Variants in GRIK2 observed in about 807,000 individuals in gnomAD.
GRIK2 encodes glutamate ionotropic receptor kainate type subunit 2.
GRIK2 carries 32 observed loss-of-function variants against 100.3 expected under a neutral mutation model. The observed-to-expected ratio is 0.32, with a 90% CI of 0.24 to 0.43. GRIK2 has a LOEUF of 0.43. Among genes scored for constraint, GRIK2 ranks in the 20% least tolerant of loss-of-function variants. The probability of loss-of-function intolerance (pLI) is 1.00; values close to 1 mark genes in which losing one functional copy is unlikely to be tolerated. For synonymous variants in GRIK2, 417 were observed against 389.4 expected, an observed-to-expected ratio of 1.07 and a Z score of -0.83; for missense variants, 843 against 1,114.9, an observed-to-expected ratio of 0.76 and a Z score of 3.47.
chr6:101,852,875 C>T (rs1324404827), intron 10 of GRIK2, among the ~76,000 whole-genome samples: 2 of 152,084 alleles, frequency 1.3e-5, no homozygotes, highest in Non-Finnish European at 2.9e-5. Context: ...AGTAGTGAGG[C>T]AAAAGGGTAT....
At chr6:101,748,199 G>A (rs887824062) in intron 7 of GRIK2, among the ~76,000 whole-genome samples, 3 of 152,132 alleles carry the variant, frequency 2.0e-5, no homozygotes, top group African/African-American at 7.2e-5. Context: ...GTCAGAATAA[G>A]CTATTTCTTA....
intron 6 of GRIK2, among the ~76,000 whole-genome samples, chr6:101,684,224 T>A (rs1311357105): frequency 6.6e-6 from 1 of 152,188 alleles, no homozygotes; most frequent in Non-Finnish European, 1.5e-5. Context: ...ATCAGCAAAT[T>A]ATATTTCAGT....
Position 101,889,667 on chromosome 6 carries a change from G to T in GRIK2, c.1552G>T (p.Ala518Ser), listed in dbSNP as rs768473830. The change falls in exon 12 of 17, where the codon GCT (alanine) becomes TCT (serine). Residue 518 changes from alanine (A) to serine (S), a missense_variant. Physicochemically the swap from Ala to Ser is moderately conservative, Grantham distance 99 (BLOSUM62 1). This residue lies in a region of GRIK2 where 519 missense variants were observed against 643.8 expected (regional missense o/e 0.81). Transcript: ENST00000369134. ...HKADLAVAPL[A>S]ITYVREKVID... The stretch of plus-strand genomic sequence containing the variant: ...AGCTGACCTTGCAGTTGCTCCACTG[G>T]CTATTACCTATGTTCGAGAGAAGGT... The T allele has an allele frequency of 1.2e-6, 2 of 1,604,328 alleles. No individual in the cohort carries two copies. The highest frequency in any genetic ancestry group is 2.2e-5 in the South Asian group (2 of 90,766).
chr6:101,637,701 C>T (rs73508673), intron 4 of GRIK2, among the ~76,000 whole-genome samples: 27,639 of 152,036 alleles, frequency 0.18, 2,765 homozygotes, highest in East Asian at 0.3. Context: ...CAGAGAAAAA[C>T]GAATTGTTCC....
intron 2 of GRIK2, among the ~76,000 whole-genome samples, chr6:101,528,898 A>G (rs1582649127): frequency 6.6e-6 from 1 of 152,198 alleles, no homozygotes; most frequent in Non-Finnish European, 1.5e-5. Flanking sequence ...TGAGGAAGGG[A>G]TTTTCTGTAC....
At chr6:101,901,658 A>G (rs965586395) in intron 12 of GRIK2, among the ~76,000 whole-genome samples, 7 of 151,948 alleles carry the variant, frequency 4.6e-5, no homozygotes, top group Admixed American at 1.3e-4. Context: ...ATTTCCTATA[A>G]CAAATATAAA....
At chr6:101,844,166 A>C (rs1783677116) in intron 10 of GRIK2, among the ~76,000 whole-genome samples, 1 of 152,222 alleles carries the variant, frequency 6.6e-6, no homozygotes, top group Non-Finnish European at 1.5e-5. Context: ...ACATACTCTT[A>C]GAAAAAATGT....
chr6:101,787,055 A>G (rs923049699), intron 7 of GRIK2, among the ~76,000 whole-genome samples: 1 of 151,940 alleles, frequency 6.6e-6, no homozygotes, highest in Non-Finnish European at 1.5e-5. Flanking sequence ...AGTAGGTTGT[A>G]TGTGTCTAAA....
At chr6:101,467,926 GAT>G in intron 2 of GRIK2, among the ~76,000 whole-genome samples, 1 of 144,434 alleles carries the variant, frequency 6.9e-6, no homozygotes, top group African/African-American at 2.6e-5. Flanking sequence ...GCATGCCCAC[GAT>G]ATATTTTTTT....
intron 2 of GRIK2, among the ~76,000 whole-genome samples, chr6:101,479,583 T>C (rs1456974984): frequency 1.3e-5 from 2 of 152,158 alleles, no homozygotes; most frequent in African/African-American, 4.8e-5. Context: ...AAGTTATTAT[T>C]TGTAATTTCG....
intron 2 of GRIK2, among the ~76,000 whole-genome samples, chr6:101,557,207 C>T (rs1776789083): frequency 6.6e-6 from 1 of 152,134 alleles, no homozygotes; most frequent in Non-Finnish European, 1.5e-5. Context: ...TTCCAGATTT[C>T]TACTGACTTT....
intron 6 of GRIK2, among the ~76,000 whole-genome samples, chr6:101,683,355 T>A (rs901037456): frequency 1.1e-4 from 16 of 152,224 alleles, no homozygotes; most frequent in Non-Finnish European, 2.2e-4. Context: ...TTAGATTTTT[T>A]AAAAAGTCAA....
chr6:101,973,403 A>C (rs73763610), intron 14 of GRIK2, among the ~76,000 whole-genome samples: 3 of 151,894 alleles, frequency 2.0e-5, no homozygotes, highest in Non-Finnish European at 2.9e-5. Context: ...ATTCAATCTC[A>C]ATAATATCCA....
At chr6:101,728,007 A>G (rs547253221) in intron 7 of GRIK2, among the ~76,000 whole-genome samples, 75 of 152,214 alleles carry the variant, frequency 4.9e-4, no homozygotes, top group Admixed American at 6.6e-4. Flanking sequence ...GCAGATGATT[A>G]TGAATAAATT....
At chr6:101,982,474 G>A (rs933782658) in intron 14 of GRIK2, among the ~76,000 whole-genome samples, 2 of 151,808 alleles carry the variant, frequency 1.3e-5, no homozygotes, top group Non-Finnish European at 2.9e-5. Context: ...AAGCTGAAGA[G>A]TAGCTTCTCT....
chr6:101,781,171 T>C (rs972569481), intron 7 of GRIK2, among the ~76,000 whole-genome samples: 22 of 152,110 alleles, frequency 1.4e-4, no homozygotes, highest in African/African-American at 5.1e-4. Context: ...AATTCCATAC[T>C]TATATTTTAT....
At chr6:101,738,813 A>G (rs556865898) in intron 7 of GRIK2, among the ~76,000 whole-genome samples, 9 of 152,178 alleles carry the variant, frequency 5.9e-5, no homozygotes, top group Admixed American at 2.6e-4. Flanking sequence ...TGGCAAAATC[A>G]CCCTGTGTAA....
At chr6:101,649,479 T>A (rs1781688800) in intron 4 of GRIK2, among the ~76,000 whole-genome samples, 1 of 152,054 alleles carries the variant, frequency 6.6e-6, no homozygotes, top group African/African-American at 2.4e-5. Flanking sequence ...TAACAAGTGA[T>A]CTTACAGACA....
At chr6:101,823,892 G>C (rs1278077115) in intron 10 of GRIK2, among the ~76,000 whole-genome samples, 1 of 146,246 alleles carries the variant, frequency 6.8e-6, no homozygotes, top group Admixed American at 6.9e-5. Flanking sequence ...TTTTTTGATG[G>C]AGTCTCGCTC....
Sources: allele counts gnomAD v4.1 joint callset (sites outside exome capture counted in the v4.1 genomes callset), GRCh38; gene constraint gnomAD v4.1.1; regional missense constraint gnomAD v4.1.1; transcripts MANE v1.5; gene names NCBI Gene and HGNC (gene_info 2026-07-23, HGNC 2026-07-21).